The following SORCS2 variants were observed in gnomAD, a reference collection of about 807,000 sequenced individuals.
SORCS2 encodes the protein VPS10 domain-containing receptor SorCS2.
SORCS2 carries 100 observed loss-of-function variants against 141.6 expected under a neutral mutation model. That is an observed-to-expected ratio of 0.71 (90% confidence interval 0.60 to 0.83). SORCS2 has a LOEUF of 0.83. Ranked by LOEUF, SORCS2 falls within the 40% of genes least tolerant of loss-of-function variation. The pLI, the probability that SORCS2 is intolerant of heterozygous loss-of-function variation, is 0.00. For synonymous variants in SORCS2, 789 were observed against 676.9 expected, an observed-to-expected ratio of 1.17 and a Z score of -2.57; for missense variants, 1,646 against 1,560.2, an observed-to-expected ratio of 1.05 and a Z score of -0.93.
chr4:7,299,926 G>T (rs2108896772), intron 1 of SORCS2, among the ~76,000 whole-genome samples: 1 of 152,336 alleles, frequency 6.6e-6, no homozygotes, highest in South Asian at 2.1e-4. Flanking sequence ...TGCTCCAACT[G>T]CGGCTGCCTT....
intron 2 of SORCS2, among the ~76,000 whole-genome samples, chr4:7,475,509 G>A (rs570240507): frequency 6.0e-4 from 91 of 152,332 alleles, no homozygotes; most frequent in Admixed American, 2.4e-3. Context: ...AGCAGAGCAA[G>A]CAGGAGGCTG....
intron 16 of SORCS2, among the ~76,000 whole-genome samples, chr4:7,714,817 CTCA>C (rs980601331): frequency 1.3e-5 from 2 of 152,194 alleles, no homozygotes; most frequent in African/African-American, 4.8e-5. Flanking sequence ...CTCACCCCTC[CTCA>C]TCATGCCCCC....
intron 1 of SORCS2, among the ~76,000 whole-genome samples, chr4:7,270,546 C>G (rs1715054471): frequency 6.6e-6 from 1 of 152,228 alleles, no homozygotes; most frequent in African/African-American, 2.4e-5. Context: ...CCACATCCCC[C>G]TGAAGCTGGA....
intron 1 of SORCS2, chr4:7,310,556 A>G (rs1577383865): frequency 6.5e-6 from 1 of 154,414 alleles, no homozygotes; most frequent in African/African-American, 2.4e-5. Context: ...GTGAACCACC[A>G]TACTAGTTGC....
At chr4:7,582,191 A>G (rs534576199) in intron 3 of SORCS2, among the ~76,000 whole-genome samples, 105 of 152,266 alleles carry the variant, frequency 6.9e-4, no homozygotes, top group Non-Finnish European at 3.1e-4. Flanking sequence ...ATTATTCCCA[A>G]TTTTACAGAT....
chr4:7,208,055 G>T (rs530989683), intron 1 of SORCS2, among the ~76,000 whole-genome samples: 1 of 152,148 alleles, frequency 6.6e-6, no homozygotes, highest in South Asian at 2.1e-4. Context: ...CCTTGGCCCT[G>T]GGTGGGAGCC....
At chr4:7,717,114 G>C (rs1451502203) in intron 17 of SORCS2, among the ~76,000 whole-genome samples, 1 of 152,196 alleles carries the variant, frequency 6.6e-6, no homozygotes, top group Non-Finnish European at 1.5e-5. Flanking sequence ...AGCTGGATGA[G>C]GCCACCCCTT....
chr4:7,351,606 A>T (rs959087554), intron 1 of SORCS2, among the ~76,000 whole-genome samples: 4 of 151,890 alleles, frequency 2.6e-5, no homozygotes, highest in African/African-American at 9.7e-5. Context: ...GGGACAGTTC[A>T]TGCTCCTCTG....
At chr4:7,610,872 G>A (rs1718362768) in intron 3 of SORCS2, among the ~76,000 whole-genome samples, 1 of 152,184 alleles carries the variant, frequency 6.6e-6, no homozygotes, top group South Asian at 2.1e-4. Flanking sequence ...AAGGCAAGGA[G>A]GATTTCCAAG....
intron 2 of SORCS2, among the ~76,000 whole-genome samples, chr4:7,471,632 G>A (rs1219275852): frequency 6.6e-6 from 1 of 152,248 alleles, no homozygotes; most frequent in Non-Finnish European, 1.5e-5. Flanking sequence ...CACAGGGAGA[G>A]GGTGGAACCA....
At chr4:7,403,997 A>ATATATATATATATT (rs1265288820) in intron 2 of SORCS2, among the ~76,000 whole-genome samples, 17 of 18,928 alleles carry the variant, frequency 9.0e-4, no homozygotes, top group Non-Finnish European at 1.8e-3. Context: ...ATATATATAT[A>ATATATATATATATT]TTTTTTTTTT....
intron 2 of SORCS2, among the ~76,000 whole-genome samples, chr4:7,481,029 C>T (rs999800136): frequency 2.6e-5 from 4 of 152,240 alleles, no homozygotes; most frequent in African/African-American, 9.6e-5. Flanking sequence ...GACTGTCCTC[C>T]CTTTTCTTTG....
At chr4:7,684,813 C>G (rs1411626348) in intron 10 of SORCS2, among the ~76,000 whole-genome samples, 2 of 152,146 alleles carry the variant, frequency 1.3e-5, no homozygotes, top group African/African-American at 4.8e-5. Flanking sequence ...TGGTGAGCCC[C>G]CTCCCCACCA....
At chr4:7,207,512 T>C (rs1337326843) in intron 1 of SORCS2, among the ~76,000 whole-genome samples, 3 of 152,142 alleles carry the variant, frequency 2.0e-5, no homozygotes, top group Admixed American at 6.5e-5. Context: ...AGCTCTGAGC[T>C]GGGGCCGGCT....
chr4:7,283,730 A>T (rs1249583492), intron 1 of SORCS2, among the ~76,000 whole-genome samples: 2 of 152,090 alleles, frequency 1.3e-5, no homozygotes, highest in Non-Finnish European at 1.5e-5. Flanking sequence ...TCCACCAAAC[A>T]TAGGTGGGGC....
intron 2 of SORCS2, among the ~76,000 whole-genome samples, chr4:7,485,548 C>G (rs1206844071): frequency 6.6e-6 from 1 of 152,276 alleles, no homozygotes; most frequent in Non-Finnish European, 1.5e-5. Flanking sequence ...TCCCTGGCGG[C>G]TCTTGTTATT....
chr4:7,635,892 G>A (rs67644854), intron 3 of SORCS2, among the ~76,000 whole-genome samples: 22,171 of 152,234 alleles, frequency 0.15, 1,777 homozygotes, highest in African/African-American at 0.21. Flanking sequence ...ATTAATGACC[G>A]TAGCTGGGAA....
intron 3 of SORCS2, among the ~76,000 whole-genome samples, chr4:7,577,063 G>A (rs1715801444): frequency 6.6e-6 from 1 of 152,204 alleles, no homozygotes; most frequent in South Asian, 2.1e-4. Context: ...GCAAGGAGAG[G>A]TTTAGGCACA....
chr4:7,591,852 G>A lies in SORCS2; in HGVS notation c.649-46476G>A, dbSNP rs142890929. On this transcript the variant is annotated intron_variant, in intron 3 of 26. Coordinates refer to ENST00000507866, the MANE Select transcript of SORCS2 (RefSeq NM_020777.3). ...GGTTTCCTTGAGTCCCGCTGCCTGC[G>A]CTCTGCGGTGTTTGTGCTTATCTGG... is the stretch of plus-strand genomic sequence containing the variant. Among the ~76,000 whole-genome samples, 443 of 152,252 alleles carry A rather than the reference G, an allele frequency of 2.9e-3. 3 individuals carry two copies. The highest frequency in any genetic ancestry group is 0.01 in the African/African-American group (423 of 41,538).
Sources: allele counts gnomAD v4.1 joint callset (sites outside exome capture counted in the v4.1 genomes callset), GRCh38; gene constraint gnomAD v4.1.1; transcripts MANE v1.5; gene names NCBI Gene and HGNC (gene_info 2026-07-23, HGNC 2026-07-21).